ADGRL3: variants seen among roughly 807,000 people sequenced by gnomAD.
The protein encoded by ADGRL3 is calcium-independent alpha-latrotoxin receptor 3.
ADGRL3 carries 62 observed loss-of-function variants against 153.5 expected under a neutral mutation model. The observed-to-expected ratio is 0.40, with a 90% CI of 0.33 to 0.50. The LOEUF (loss-of-function observed/expected upper bound fraction) is 0.50. ADGRL3 is among the 20% of genes least tolerant of loss of function. The pLI is 0.47. For missense variants in ADGRL3, 1,641 were observed against 1,859.4 expected (o/e 0.88, Z 2.16); for synonymous variants, 710 against 672.5 (o/e 1.06, Z -0.86).
At chr4:61,998,524 T>C (rs2099129442) in intron 21 of ADGRL3, among the ~76,000 whole-genome samples, 1 of 152,080 alleles carries the variant, frequency 6.6e-6, no homozygotes, top group Non-Finnish European at 1.5e-5. Flanking sequence ...ATATTCATTG[T>C]GTCCTGAAAA....
chr4:61,332,408 T>C (rs1216454547), intron 1 of ADGRL3, among the ~76,000 whole-genome samples: 1 of 152,186 alleles, frequency 6.6e-6, no homozygotes, highest in African/African-American at 2.4e-5. Context: ...CAAATATGCC[T>C]AAAATGTTTT....
intron 4 of ADGRL3, chr4:61,583,572 G>A: frequency 2.1e-6 from 1 of 481,126 alleles, no homozygotes; most frequent in Non-Finnish European, 4.1e-6. Context: ...CAGTTAATAT[G>A]TGATCAAAAG....
intron 4 of ADGRL3, among the ~76,000 whole-genome samples, chr4:61,573,150 C>T (rs2098845870): frequency 6.6e-6 from 1 of 151,924 alleles, no homozygotes; most frequent in Admixed American, 6.6e-5. Context: ...TGCTATCCAG[C>T]AGGATATTCT....
rs574417198 is a variant in ADGRL3 at position 61,874,689 on chromosome 4, C to G, written c.1481-17967C>G. On this transcript the variant is annotated intron_variant, in intron 9 of 26. Transcript: ENST00000683033. Reference sequence around the variant, plus strand: ...GCTAGTAAAATATACATACCATTATCCAGACAACTAAGAGAAGGGGAGACC... The same window carrying G: ...GCTAGTAAAATATACATACCATTATGCAGACAACTAAGAGAAGGGGAGACC... Among the ~76,000 whole-genome samples, 4 of 150,392 alleles carry G rather than the reference C, an allele frequency of 2.7e-5. No homozygotes were observed. The South Asian group carries it at 8.4e-4, about 32-fold the overall frequency.
chr4:61,833,358 G>A (rs1210153888), intron 9 of ADGRL3, among the ~76,000 whole-genome samples: 1 of 152,184 alleles, frequency 6.6e-6, no homozygotes, highest in Non-Finnish European at 1.5e-5. Context: ...AATTGCAATA[G>A]AGAAAGAGTA....
intron 4 of ADGRL3, among the ~76,000 whole-genome samples, chr4:61,556,443 C>G (rs1429830347): frequency 2.0e-5 from 3 of 151,962 alleles, no homozygotes; most frequent in Non-Finnish European, 4.4e-5. Flanking sequence ...GGAGCAGAGT[C>G]ATGGAGGTGG....
rs1279994264 is a variant in ADGRL3 at position 61,755,715 on chromosome 4, A to G, written c.1399+22161A>G. On this transcript the variant is annotated intron_variant, in intron 8 of 26. Transcript: ENST00000683033. ...TGCCCGTGCCTATATCTTGAGTGGTATTGTCTAGGTTTTATTCTAGGTTTT... is the reference window on the plus strand; with the variant it reads ...TGCCCGTGCCTATATCTTGAGTGGTGTTGTCTAGGTTTTATTCTAGGTTTT... Among the ~76,000 whole-genome samples, 5 of 152,210 alleles carry G rather than the reference A, an allele frequency of 3.3e-5. No homozygotes were observed. In the South Asian group the frequency reaches 6.2e-4, roughly 19 times the overall value.
At chr4:61,348,856 G>C (rs1237120056) in intron 1 of ADGRL3, among the ~76,000 whole-genome samples, 1 of 151,878 alleles carries the variant, frequency 6.6e-6, no homozygotes, top group East Asian at 1.9e-4. Flanking sequence ...GCAATAGTTA[G>C]CTAAATCTGT....
intron 2 of ADGRL3, among the ~76,000 whole-genome samples, chr4:61,483,183 A>G (rs946646339): frequency 6.6e-6 from 1 of 152,002 alleles, no homozygotes; most frequent in Non-Finnish European, 1.5e-5. Context: ...GGGTTTTCCT[A>G]TTGTCTTAAT....
intron 4 of ADGRL3, among the ~76,000 whole-genome samples, chr4:61,540,678 G>A (rs115319415): frequency 0.025 from 3,744 of 152,190 alleles, 63 homozygotes; most frequent in Non-Finnish European, 0.042. Context: ...TGAATGTAGC[G>A]ATACTTTTAG....
At chr4:61,619,172 G>C (rs1414586921) in intron 5 of ADGRL3, among the ~76,000 whole-genome samples, 1 of 152,114 alleles carries the variant, frequency 6.6e-6, no homozygotes, top group Non-Finnish European at 1.5e-5. Context: ...TGAAAACAGA[G>C]TATACAGTAG....
chr4:61,702,766 A>G (rs1018585584), intron 6 of ADGRL3, among the ~76,000 whole-genome samples: 3 of 152,280 alleles, frequency 2.0e-5, no homozygotes, highest in Non-Finnish European at 4.4e-5. Flanking sequence ...CAGTCCTCTT[A>G]AATGAATCAT....
At chr4:61,473,985 T>C (rs1263511943) in intron 2 of ADGRL3, among the ~76,000 whole-genome samples, 1 of 152,040 alleles carries the variant, frequency 6.6e-6, no homozygotes. Context: ...AATGGAATTG[T>C]CAATAGGCAT....
chr4:61,362,974 T>A (rs2096315403), intron 1 of ADGRL3, among the ~76,000 whole-genome samples: 1 of 152,212 alleles, frequency 6.6e-6, no homozygotes, highest in Non-Finnish European at 1.5e-5. Flanking sequence ...CATCGTCCTA[T>A]ATTTTGATTC....
At chr4:61,921,599 G>C (rs1304821389) in intron 13 of ADGRL3, among the ~76,000 whole-genome samples, 1 of 152,044 alleles carries the variant, frequency 6.6e-6, no homozygotes, top group Non-Finnish European at 1.5e-5. Flanking sequence ...GTACAGACAG[G>C]GTTTCACTAT....
chr4:61,432,642 CTTTCTTTCTTTCTT>C lies in ADGRL3; in HGVS notation c.-174+49457_-174+49470del, dbSNP rs1404547206. On this transcript the variant is annotated intron_variant, in intron 2 of 26. Transcript: ENST00000683033. ...TCTTTCTTTCTTTCTTTCTTTCTTT[CTTTCTTTCTTTCTT>C]TTTTTTTTTTTTTTGAGACAGAATT... is the stretch of plus-strand genomic sequence containing the variant. 1.2e-3 allele frequency among the ~76,000 whole-genome samples: 27 copies of C among 22,954 alleles called. 2 individuals are homozygous for C. Among genetic ancestry groups the C allele is most frequent in the African/African-American group, 3.5e-3 (25 of 7,116 alleles). The allele number at this position is 22,954 out of a possible 152,430, so 15.1% of individuals were successfully genotyped here.
chr4:61,908,332 C>T (rs1451665099), intron 11 of ADGRL3, among the ~76,000 whole-genome samples: 1 of 152,138 alleles, frequency 6.6e-6, no homozygotes, highest in Non-Finnish European at 1.5e-5. Flanking sequence ...CGTAGTGGCT[C>T]ATGCCTGTAA....
chr4:61,598,877 A>G (rs1336749164), intron 5 of ADGRL3, among the ~76,000 whole-genome samples: 1 of 152,128 alleles, frequency 6.6e-6, no homozygotes, highest in Non-Finnish European at 1.5e-5. Context: ...AGCAGACATA[A>G]TTATTTTATT....
At chr4:61,527,638 T>C (rs1355252812) in intron 4 of ADGRL3, among the ~76,000 whole-genome samples, 1 of 152,182 alleles carries the variant, frequency 6.6e-6, no homozygotes, top group African/African-American at 2.4e-5. Context: ...GAATCCTCCA[T>C]TGGGAATTTT....
Sources: allele counts gnomAD v4.1 joint callset (sites outside exome capture counted in the v4.1 genomes callset), GRCh38; gene constraint gnomAD v4.1.1; transcripts MANE v1.5; gene names NCBI Gene and HGNC (gene_info 2026-07-23, HGNC 2026-07-21).